The following SRGAP1 variants were observed in gnomAD, a reference collection of about 807,000 sequenced individuals.
The protein encoded by SRGAP1 is SLIT-ROBO Rho GTPase-activating protein 1.
Under a neutral mutation model 121.9 loss-of-function variants are expected in SRGAP1, and 43 were observed. The observed-to-expected ratio is 0.35, with a 90% CI of 0.28 to 0.46. The LOEUF (loss-of-function observed/expected upper bound fraction) is 0.46. SRGAP1 is among the 20% of genes least tolerant of loss of function. The pLI, the probability that SRGAP1 is intolerant of heterozygous loss-of-function variation, is 1.00. For missense variants in SRGAP1, 1,102 were observed against 1,350.9 expected (o/e 0.82, Z 2.89); for synonymous variants, 447 against 485.4 (o/e 0.92, Z 1.04).
intron 1 of SRGAP1, among the ~76,000 whole-genome samples, chr12:63,924,729 A>G (rs934672221): frequency 6.6e-6 from 1 of 152,040 alleles, no homozygotes; most frequent in Non-Finnish European, 1.5e-5. Context: ...TCCCAGAGGG[A>G]TCATTCTCTC....
chr12:63,991,800 G>A (rs1162350128), intron 3 of SRGAP1, among the ~76,000 whole-genome samples: 1 of 152,280 alleles, frequency 6.6e-6, no homozygotes, highest in Non-Finnish European at 1.5e-5. Context: ...AGGGCCTCTA[G>A]GACCAGTAAC....
At chr12:63,912,824 G>A (rs1392527832) in intron 1 of SRGAP1, among the ~76,000 whole-genome samples, 1 of 152,118 alleles carries the variant, frequency 6.6e-6, no homozygotes, top group East Asian at 1.9e-4. Context: ...ACACTAGGAC[G>A]AGGGTTCATG....
Position 64,146,656 on chromosome 12 carries a change from C to T in SRGAP1, c.*3984C>T, listed in dbSNP as rs745450353. On this transcript the variant is annotated 3_prime_UTR_variant, in exon 22 of 22. Coordinates refer to ENST00000355086, the MANE Select transcript of SRGAP1 (RefSeq NM_020762.4). ...TGTGCTTAGGACTCAGTCTTGTTTT[C>T]GATTATCCACCACAGAAACCCTGAG... The T allele has an allele frequency of 6.6e-6, 1 of 152,046 alleles. No individual in the cohort carries two copies. The highest frequency in any genetic ancestry group is 1.5e-5 in the Non-Finnish European group (1 of 68,022). The allele number at this position is 152,046 out of a possible 1,614,324, so 9.4% of individuals were successfully genotyped here.
At position 64,139,623 on chromosome 12, in the gene SRGAP1, T is replaced by C. The variant is rs905513096; in HGVS notation, c.2881-2672T>C. On this transcript the variant is annotated intron_variant, in intron 21 of 21. Coordinates refer to ENST00000355086, the MANE Select transcript of SRGAP1 (RefSeq NM_020762.4). ...TTCTTGTAAATTTGTTTGAGTTCAT[T>C]GTAGATTCTGGATATTAGCCCTTTG... 7.2e-4 allele frequency among the ~76,000 whole-genome samples: 109 copies of C among 152,054 alleles called. 1 individual carries two copies. The highest frequency in any genetic ancestry group is 1.1e-3 in the Non-Finnish European group (75 of 67,988).
At chr12:64,102,861 GT>G (rs2036280578) in intron 15 of SRGAP1, among the ~76,000 whole-genome samples, 1 of 152,158 alleles carries the variant, frequency 6.6e-6, no homozygotes, top group African/African-American at 2.4e-5. Context: ...TGTTTTTGAA[GT>G]GATGAAAATG....
intron 6 of SRGAP1, among the ~76,000 whole-genome samples, chr12:64,045,765 A>C (rs1189884660): frequency 6.6e-6 from 1 of 152,078 alleles, no homozygotes; most frequent in Non-Finnish European, 1.5e-5. Flanking sequence ...ATACAAGAAA[A>C]ACTCTCCGTG....
At chr12:64,019,610 A>G (rs2034495431) in intron 4 of SRGAP1, among the ~76,000 whole-genome samples, 1 of 152,042 alleles carries the variant, frequency 6.6e-6, no homozygotes, top group African/African-American at 2.4e-5. Flanking sequence ...AGGAGATGCT[A>G]TTTTGTCTTT....
At chr12:64,070,350 C>T (rs978754729) in intron 8 of SRGAP1, among the ~76,000 whole-genome samples, 3 of 152,132 alleles carry the variant, frequency 2.0e-5, no homozygotes, top group Admixed American at 6.5e-5. Context: ...AGAGCAACTA[C>T]GCCTTTTGTA....
At chr12:63,994,492 T>A (rs1319928177) in intron 3 of SRGAP1, among the ~76,000 whole-genome samples, 1 of 152,016 alleles carries the variant, frequency 6.6e-6, no homozygotes, top group Non-Finnish European at 1.5e-5. Flanking sequence ...AATCAGGGAG[T>A]ATCCAAGTGA....
chr12:64,054,859 G>A (rs2035309429), intron 6 of SRGAP1, among the ~76,000 whole-genome samples: 1 of 150,538 alleles, frequency 6.6e-6, no homozygotes. Context: ...CTAGCATTAG[G>A]TATATCTCCC....
intron 1 of SRGAP1, among the ~76,000 whole-genome samples, chr12:63,942,735 T>TCCTACTCCTG: frequency 6.6e-6 from 1 of 152,208 alleles, no homozygotes; most frequent in African/African-American, 2.4e-5. Flanking sequence ...CTGTCCTCTA[T>TCCTACTCCTG]CCTACTCCTG....
chr12:63,983,542 G>A (rs1055044346), intron 1 of SRGAP1: 2 of 151,760 alleles, frequency 1.3e-5, no homozygotes, highest in Non-Finnish European at 2.9e-5. Context: ...GTCCAATACA[G>A]AGCTAAATAA....
chr12:64,106,529 T>G (rs1277368402), intron 15 of SRGAP1, among the ~76,000 whole-genome samples: 2 of 152,228 alleles, frequency 1.3e-5, no homozygotes. Flanking sequence ...TTTAGGCATT[T>G]CATCTTCCCT....
chr12:64,001,928 G>A (rs2033912867), intron 3 of SRGAP1, among the ~76,000 whole-genome samples: 1 of 152,146 alleles, frequency 6.6e-6, no homozygotes, highest in Non-Finnish European at 1.5e-5. Flanking sequence ...CCCACTGAAG[G>A]CATTTTTAAA....
At chr12:63,977,521 CA>C (rs1327994479) in intron 1 of SRGAP1, among the ~76,000 whole-genome samples, 2 of 152,094 alleles carry the variant, frequency 1.3e-5, no homozygotes, top group African/African-American at 4.8e-5. Flanking sequence ...AAATATGTAT[CA>C]GTTTGTGGCT....
intron 1 of SRGAP1, among the ~76,000 whole-genome samples, chr12:63,855,227 A>G (rs1161290075): frequency 5.3e-5 from 8 of 152,142 alleles, no homozygotes; most frequent in Non-Finnish European, 1.2e-4. Flanking sequence ...TCAGTGTTTC[A>G]GCTTGTAGGA....
rs2037100857 is a variant in SRGAP1, at chr12:64,150,067, A to C, written c.*7395A>C. On this transcript the variant is annotated 3_prime_UTR_variant, in exon 22 of 22. Coordinates refer to ENST00000355086, the MANE Select transcript of SRGAP1 (RefSeq NM_020762.4). ...TTGCCTTCTATAATAAAAACAAAATAGTTTTTCTATCAAGGTCAGTCTCAG... is the reference window on the plus strand; with the variant it reads ...TTGCCTTCTATAATAAAAACAAAATCGTTTTTCTATCAAGGTCAGTCTCAG... 1 of 150,622 alleles carries C rather than the reference A, an allele frequency of 6.6e-6. No individual in the cohort carries two copies. Among genetic ancestry groups the C allele is most frequent in the Admixed American group, 6.6e-5 (1 of 15,168 alleles). 9.3% of individuals were successfully genotyped at this position (150,622 alleles called of 1,614,324 possible).
rs916723664 is a variant in SRGAP1, at chr12:64,124,034, A to G, written c.2225-1943A>G. Among the ~76,000 whole-genome samples, 8 of 152,268 alleles carry G rather than the reference A, an allele frequency of 5.3e-5. No individual in the cohort carries two copies. The South Asian group carries it at 8.3e-4, about 16-fold the overall frequency. On this transcript the variant is annotated intron_variant, in intron 18 of 21. Coordinates refer to ENST00000355086, the MANE Select transcript of SRGAP1 (RefSeq NM_020762.4). ...TTGAGACCAGCCTTGGCAATGTAGCAAGACCCTGTCACTGTTTAAAAGAAA... is the reference window on the plus strand; with the variant it reads ...TTGAGACCAGCCTTGGCAATGTAGCGAGACCCTGTCACTGTTTAAAAGAAA...
intron 1 of SRGAP1, among the ~76,000 whole-genome samples, chr12:63,859,416 C>T (rs1899369539): frequency 2.6e-5 from 4 of 152,192 alleles, no homozygotes; most frequent in Admixed American, 6.5e-5. Flanking sequence ...ATACACTCGC[C>T]TCAGCCTCCT....
Sources: allele counts gnomAD v4.1 joint callset (sites outside exome capture counted in the v4.1 genomes callset), GRCh38; gene constraint gnomAD v4.1.1; transcripts MANE v1.5; gene names NCBI Gene and HGNC (gene_info 2026-07-23, HGNC 2026-07-21).